PSG4: variants seen among roughly 807,000 people sequenced by gnomAD.
PSG4 encodes pregnancy-specific beta-1-glycoprotein 4.
Under a neutral mutation model 44.3 loss-of-function variants are expected in PSG4, and 61 were observed. That is an observed-to-expected ratio of 1.38 (90% CI 1.12 to 1.70). The LOEUF (loss-of-function observed/expected upper bound fraction) is 1.70, where lower values mean the gene tolerates loss of function less well. PSG4 is among the 40% of genes most tolerant of loss of function. The pLI, the probability that PSG4 is intolerant of heterozygous loss-of-function variation, is 0.00. For missense variants in PSG4, 677 were observed against 511.7 expected (o/e 1.32, Z -3.12); for synonymous variants, 248 against 191.3 (o/e 1.30, Z -2.45).
At chr19:43,193,410 A>G (rs1312699593) in intron 5 of PSG4, 22 bp from the exon 6 acceptor site, 1 of 768,534 alleles carries the variant, frequency 1.3e-6, no homozygotes, top group African/African-American at 1.7e-5. Context: ...TAATAAAAAC[A>G]CAGAAACAAT....
chr19:43,197,773 G>T lies in PSG4; in HGVS notation c.709+224C>A, dbSNP rs1169903586. 9.5e-6 allele frequency: 9 copies of T among 945,636 alleles called. 1 individual carries two copies. The highest frequency in any genetic ancestry group is 3.4e-4 in the Middle Eastern group (1 of 2,954). The allele number at this position is 945,636 out of a possible 1,614,324, so 58.6% of individuals were successfully genotyped here. ...CCTTCACCTGTTTCTCCCATCACAAGCTGTGGAACCTGAGTCTCCCATGAC... is the reference window on the plus strand; with the variant it reads ...CCTTCACCTGTTTCTCCCATCACAATCTGTGGAACCTGAGTCTCCCATGAC... On this transcript the variant is annotated intron_variant, in intron 3 of 5. Transcript: ENST00000405312.
In PSG4 at chr19:43,198,099, A is replaced by G; in HGVS notation, c.607T>C (p.Phe203Leu). The G allele has an allele frequency of 6.3e-7, 1 of 1,587,784 alleles. No homozygotes were observed. The highest frequency in any genetic ancestry group is 8.5e-7 in the Non-Finnish European group (1 of 1,171,940). ...ATATACTTTGTGACACCAAATATAA[A>G]GAGGGTCCTGTTGGTTTTGGACAGC... is the stretch of plus-strand genomic sequence containing the variant. ...LQLSKTNRTLFIFGVTKYIAG... is the reference protein window; with the variant it reads ...LQLSKTNRTLLIFGVTKYIAG... Residue 203 changes from phenylalanine to leucine, a missense_variant, in exon 3 of 6, where the codon TTT (phenylalanine) becomes CTT (leucine). Phe to Leu is a conservative substitution (Grantham distance 22, BLOSUM62 0). Transcript: ENST00000405312.
In PSG4 at chr19:43,202,301, T is replaced by C. The variant is rs527261209; in HGVS notation, c.430+1585A>G. 2.8e-3 allele frequency among the ~76,000 whole-genome samples: 398 copies of C among 143,792 alleles called. 20 individuals carry two copies. Among genetic ancestry groups the C allele is most frequent in the South Asian group, 8.2e-3 (37 of 4,518 alleles). 94.3% of individuals were successfully genotyped at this position (143,792 alleles called of 152,430 possible). The stretch of plus-strand genomic sequence containing the variant: ...AGACCCCAGGGACCAGGTGCCCCAG[T>C]TCCACAGTCCAGGACCAAGGAGCCC... On this transcript the variant is annotated intron_variant, in intron 2 of 5. Transcript: ENST00000405312.
At position 43,195,063 on chromosome 19, in the gene PSG4, G is replaced by C; in HGVS notation, c.920C>G (p.Pro307Arg). The change falls in exon 4 of 6, where the codon CCT (proline) becomes CGT (arginine). Residue 307 changes from proline (P) to arginine (R), a missense_variant. Pro to Arg is a moderately radical substitution (Grantham distance 103, BLOSUM62 -2). Transcript: ENST00000405312. The part of the protein sequence containing the change: ...LPNVTRNETG[P>R]YQCEIRDRYG... ...TCGGTCCCGTATTTCACATTGATAA[G>C]GTCCTGTTTCATTTCTCGTGACATT... The C allele has an allele frequency of 1.9e-6, 3 of 1,611,690 alleles. No individual in the cohort carries two copies. Among genetic ancestry groups the C allele is most frequent in the South Asian group, 2.2e-5 (2 of 91,008 alleles).
At chr19:43,205,111 C>CTTTTTTTTTTTTTTTTTTTTTTTTTTTT (rs59165427) in intron 1 of PSG4, among the ~76,000 whole-genome samples, 3 of 90,840 alleles carry the variant, frequency 3.3e-5, no homozygotes, top group African/African-American at 5.1e-5. Flanking sequence ...TTCCTTTTTT[C>CTTTTTTTTTTTTTTTTTTTTTTTTTTTT]TTTTTTTTTT....
In PSG4 at chr19:43,203,761, A is replaced by G. The variant is rs1967624782; in HGVS notation, c.430+125T>C. On this transcript the variant is annotated intron_variant, in intron 2 of 5. Transcript: ENST00000405312. ...TCTGTGTGTCCTGCACTAAATGCCCAAACCCCAGCATGGGACTTAATGCAG... is the reference window on the plus strand; with the variant it reads ...TCTGTGTGTCCTGCACTAAATGCCCGAACCCCAGCATGGGACTTAATGCAG... 48 of 1,472,240 alleles carry G rather than the reference A, an allele frequency of 3.3e-5. 4 individuals carry two copies. The highest frequency in any genetic ancestry group is 4.2e-5 in the Non-Finnish European group (46 of 1,098,214). The allele number at this position is 1,472,240 out of a possible 1,614,324, so 91.2% of individuals were successfully genotyped here.
At chr19:43,197,517 T>G (rs1967302596) in intron 3 of PSG4, among the ~76,000 whole-genome samples, 1 of 141,912 alleles carries the variant, frequency 7.0e-6, no homozygotes, top group Non-Finnish European at 1.5e-5. Context: ...GGTGAGAGTC[T>G]GTGAGGCAGG....
chr19:43,196,941 A>T lies in PSG4; in HGVS notation c.709+1056T>A, dbSNP rs879894084. The T allele has an allele frequency of 2.7e-5, 4 of 146,274 alleles. 1 individual carries two copies. Among genetic ancestry groups the T allele is most frequent in the Admixed American group, 2.7e-4 (4 of 14,684 alleles). 9.1% of individuals were successfully genotyped at this position (146,274 alleles called of 1,614,324 possible). A position where few individuals can be genotyped will look rare whatever the true frequency, so the allele number is the denominator to read the frequency against. On this transcript the variant is annotated intron_variant, in intron 3 of 5. Coordinates refer to ENST00000405312, the MANE Select transcript of PSG4 (RefSeq NM_002780.5). ...AACTTTGGGTAGTATTGTCTTTCTAACAATATTGATTCTTCCAATCCATGA... is the reference window on the plus strand; with the variant it reads ...AACTTTGGGTAGTATTGTCTTTCTATCAATATTGATTCTTCCAATCCATGA...
Position 43,194,446 on chromosome 19 carries a change from G to A in PSG4, c.1137C>T (p.Leu379=), listed in dbSNP as rs1253740639. 4 of 1,612,352 alleles carry A rather than the reference G, an allele frequency of 2.5e-6. No individual in the cohort carries two copies. The highest frequency in any genetic ancestry group is 3.4e-6 in the Non-Finnish European group (4 of 1,179,126). The change falls in exon 5 of 6, where the codon CTC becomes CTT. Residue 379 remains leucine, a synonymous_variant. Transcript: ENST00000405312. ...GCTTTGTAGTTATTTGGGGGATAGA[G>A]AGCTTTTGTCCTGATAGCTGAAACT... is the stretch of plus-strand genomic sequence containing the variant. ...NGKFQLSGQK[L]SIPQITTKHS... is the part of the protein sequence containing the mutation.
rs750898274 is a variant in PSG4 at position 43,204,087 on chromosome 19, G to T, written c.229C>A (p.His77Asn). 1.3e-6 allele frequency: 2 copies of T among 1,586,310 alleles called. No homozygotes were observed. Among genetic ancestry groups the T allele is most frequent in the Non-Finnish European group, 8.5e-7 (1 of 1,170,764 alleles). The change falls in exon 2 of 6, where the codon CAT (histidine) becomes AAT (asparagine). Residue 77 changes from histidine (H) to asparagine (N), a missense_variant. By Grantham distance (68) the His-to-Asn change is moderately conservative (BLOSUM62 1). Transcript: ENST00000405312. ...WYKGQMTYLY[H>N]YITSYVVDGQ... ...TCTACTACATATGATGTAATGTAAT[G>T]GTAGAGGTATGTCATTTGCCCTTTG...
Position 43,195,249 on chromosome 19 carries a change from G to C in PSG4, c.734C>G (p.Thr245Arg). 1.2e-6 allele frequency: 2 copies of C among 1,610,508 alleles called. No individual in the cohort carries two copies. The highest frequency in any genetic ancestry group is 1.7e-6 in the Non-Finnish European group (2 of 1,178,986). ...CTCTCTGGGGTTTAAGTTGTTGATT[G>C]TGATGTAGGGCTTGGACAGCTTTGC... The part of the protein sequence containing the change: ...LLPKLSKPYI[T>R]INNLNPRENK... The change falls in exon 4 of 6, where the codon ACA (threonine) becomes AGA (arginine). Residue 245 changes from threonine to arginine, a missense_variant. Transcript: ENST00000405312.
chr19:43,198,868 T>C (rs10407796), intron 2 of PSG4: 95,720 of 147,502 alleles, frequency 0.65, 34,717 homozygotes, highest in East Asian at 0.89. Flanking sequence ...GGCGCAGTTT[T>C]CCCAGGTGTC....
chr19:43,202,225 G>C (rs572869388), intron 2 of PSG4, among the ~76,000 whole-genome samples: 2 of 145,324 alleles, frequency 1.4e-5, no homozygotes, highest in African/African-American at 5.3e-5. Context: ...GAGAAGAAGA[G>C]AGAGGCAGAG....
chr19:43,204,132 G>A lies in PSG4; in HGVS notation c.184C>T (p.Leu62Phe). The A allele has an allele frequency of 1.3e-6, 2 of 1,587,598 alleles. No homozygotes were observed. The highest frequency in any genetic ancestry group is 1.7e-6 in the Non-Finnish European group (2 of 1,171,754). The change falls in exon 2 of 6, where the codon CTT becomes TTT. Residue 62 changes from leucine to phenylalanine, a missense_variant. Coordinates refer to ENST00000405312, the MANE Select transcript of PSG4 (RefSeq NM_002780.5). ...LLLVHNLPQN[L>F]AGYIWYKGQM... ...CCTTTGTACCAAATGTAGCCAGCAA[G>A]ATTCTGGGGCAAATTGTGGACAAGT...
rs1568383098 is a variant in PSG4 at position 43,194,541 on chromosome 19, C to G, written c.1042G>C (p.Glu348Gln). The G allele has an allele frequency of 4.3e-6, 7 of 1,612,518 alleles. No individual in the cohort carries two copies. The highest frequency in any genetic ancestry group is 5.9e-6 in the Non-Finnish European group (7 of 1,179,124). ...YPSFTYYRSG[E>Q]NLYLSCFAES... is the part of the protein sequence containing the mutation. ...GCGAAGCAGGACAAGTAGAGGTTTT[C>G]TCCTGAACGGTAATAGGTGAATGAA... The change falls in exon 5 of 6, where the codon GAA becomes CAA. Residue 348 changes from glutamate to glutamine, a missense_variant. By Grantham distance (29) the Glu-to-Gln change is conservative. Coordinates refer to ENST00000405312, the MANE Select transcript of PSG4 (RefSeq NM_002780.5).
In PSG4 at chr19:43,198,180, C is replaced by A. The variant is rs777453397; in HGVS notation, c.526G>T (p.Ala176Ser). 6 of 1,587,746 alleles carry A rather than the reference C, an allele frequency of 3.8e-6. No homozygotes were observed. The highest frequency in any genetic ancestry group is 4.3e-6 in the Non-Finnish European group (5 of 1,171,858). The stretch of plus-strand genomic sequence containing the variant: ...CCATTCATCCACCACTGGTAGCTTG[C>A]GGCTGGAGTCGCAGGATCACAGGTT... The part of the protein sequence containing the change: ...ILTCDPATPA[A>S]SYQWWMNGQS... Residue 176 changes from alanine to serine, a missense_variant, in exon 3 of 6, where the codon GCA becomes TCA. Physicochemically the swap from Ala to Ser is moderately conservative, Grantham distance 99. Coordinates refer to ENST00000405312, the MANE Select transcript of PSG4 (RefSeq NM_002780.5).
intron 3 of PSG4, among the ~76,000 whole-genome samples, chr19:43,197,224 T>C (rs1307524644): frequency 6.9e-6 from 1 of 145,200 alleles, no homozygotes; most frequent in Non-Finnish European, 1.5e-5. Flanking sequence ...AGAAACATAT[T>C]CCCTGTGCTG....
Position 43,203,755 on chromosome 19 carries a change from A to G in PSG4, c.430+131T>C. On this transcript the variant is annotated intron_variant, in intron 2 of 5. Transcript: ENST00000405312. ...GTCTCCTCTGTGTGTCCTGCACTAA[A>G]TGCCCAAACCCCAGCATGGGACTTA... is the stretch of plus-strand genomic sequence containing the variant. 6 of 1,450,224 alleles carry G rather than the reference A, an allele frequency of 4.1e-6. 1 individual carries two copies. The East Asian group carries it at 1.7e-4, about 42-fold the overall frequency. 89.8% of individuals were successfully genotyped at this position (1,450,224 alleles called of 1,614,324 possible). A position where few individuals can be genotyped will look rare whatever the true frequency, so the allele number is the denominator to read the frequency against.
intron 1 of PSG4, among the ~76,000 whole-genome samples, chr19:43,205,111 C>CTTTTTTTTTCTTT: frequency 1.1e-5 from 1 of 90,840 alleles, no homozygotes; most frequent in South Asian, 4.4e-4. Context: ...TTCCTTTTTT[C>CTTTTTTTTTCTTT]TTTTTTTTTT....
Sources: allele counts gnomAD v4.1 joint callset (sites outside exome capture counted in the v4.1 genomes callset), GRCh38; gene constraint gnomAD v4.1.1; transcripts MANE v1.5; gene names NCBI Gene and HGNC (gene_info 2026-07-23, HGNC 2026-07-21).